The following KCNT2 variants were observed in gnomAD, a reference collection of about 807,000 sequenced individuals.
KCNT2 encodes potassium channel subfamily T member 2.
In KCNT2, 67 loss-of-function variants were observed where a neutral mutation model predicts 153.8. That is an observed-to-expected ratio of 0.44 (90% CI 0.36 to 0.53). The LOEUF (loss-of-function observed/expected upper bound fraction) is 0.53, where lower values mean the gene tolerates loss of function less well. Among genes scored for constraint, KCNT2 ranks in the 20% least tolerant of loss-of-function variants. The probability of loss-of-function intolerance (pLI) is 0.00; values close to 1 mark genes in which losing one functional copy is unlikely to be tolerated. For missense variants in KCNT2, 975 were observed against 1,354.8 expected (o/e 0.72, Z 4.40); for synonymous variants, 500 against 458.8 (o/e 1.09, Z -1.15).
At chr1:196,302,116 AG>A (rs1356154333) in intron 22 of KCNT2, among the ~76,000 whole-genome samples, 1 of 152,216 alleles carries the variant, frequency 6.6e-6, no homozygotes, top group African/African-American at 2.4e-5. Flanking sequence ...ACTTATAGAT[AG>A]ATGGAAACAA....
chr1:196,487,448 G>A lies in KCNT2; in HGVS notation c.275+2390C>T, dbSNP rs538465296. ...TGTGTGTGTGTGTATGTATGTGTCT[G>A]TGTCTGTGTGTGTATGTTTGTGTAT... On this transcript the variant is annotated intron_variant, in intron 3 of 27. Coordinates refer to ENST00000294725, the MANE Select transcript of KCNT2 (RefSeq NM_198503.5). Among the ~76,000 whole-genome samples the A allele has an allele frequency of 8.3e-4, 123 of 147,674 alleles. 2 individuals carry two copies. In the South Asian group the frequency reaches 0.025, roughly 31 times the overall value.
chr1:196,242,656 A>C (rs1384547244), intron 26 of KCNT2, among the ~76,000 whole-genome samples: 3 of 152,168 alleles, frequency 2.0e-5, no homozygotes, highest in Admixed American at 2.0e-4. Flanking sequence ...TAATGATAAC[A>C]GCATGATTAT....
intron 14 of KCNT2, among the ~76,000 whole-genome samples, chr1:196,355,722 C>A (rs941139309): frequency 6.6e-6 from 1 of 151,828 alleles, no homozygotes; most frequent in East Asian, 1.9e-4. Flanking sequence ...GACTTTTCAT[C>A]TACTTTTTAA....
rs529009301 is a variant in KCNT2, at chr1:196,395,249, C to T, written c.1294+3314G>A. ...TTCCAAAACTATCCTGAATGAGTTT[C>T]GTATCAAGGCTATGTTATTCCCGTT... On this transcript the variant is annotated intron_variant, in intron 13 of 27. Transcript: ENST00000294725. Among the ~76,000 whole-genome samples, 417 of 151,504 alleles carry T rather than the reference C, an allele frequency of 2.8e-3. 3 individuals carry two copies. Among genetic ancestry groups the T allele is most frequent in the African/African-American group, 9.3e-3 (386 of 41,426 alleles).
At chr1:196,528,386 A>G (rs1654525120) in intron 1 of KCNT2, among the ~76,000 whole-genome samples, 2 of 152,256 alleles carry the variant, frequency 1.3e-5, no homozygotes, top group Admixed American at 6.5e-5. Context: ...AGAAAATTCT[A>G]TGTTGCCATT....
chr1:196,245,391 A>G (rs1655346547), intron 26 of KCNT2, among the ~76,000 whole-genome samples: 1 of 152,180 alleles, frequency 6.6e-6, no homozygotes, highest in South Asian at 2.1e-4. Flanking sequence ...AAGCCTTTCA[A>G]GAAAGATGGG....
intron 8 of KCNT2, among the ~76,000 whole-genome samples, chr1:196,449,650 T>C (rs1675979916): frequency 6.6e-6 from 1 of 151,586 alleles, no homozygotes; most frequent in African/African-American, 2.4e-5. Flanking sequence ...AAAAAGGTTA[T>C]TTCATCATAT....
chr1:196,268,693 T>A (rs1313755089), intron 25 of KCNT2, among the ~76,000 whole-genome samples: 1 of 152,088 alleles, frequency 6.6e-6, no homozygotes, highest in East Asian at 1.9e-4. Flanking sequence ...GCAGGAAGTT[T>A]ATGCTCCTTA....
intron 8 of KCNT2, among the ~76,000 whole-genome samples, chr1:196,458,497 C>A (rs997742111): frequency 9.9e-5 from 15 of 151,804 alleles, no homozygotes; most frequent in Admixed American, 9.9e-4. Context: ...AAGTTGAATA[C>A]AAACTCTTAT....
At chr1:196,522,157 C>A (rs1441452340) in intron 1 of KCNT2, among the ~76,000 whole-genome samples, 1 of 152,102 alleles carries the variant, frequency 6.6e-6, no homozygotes, top group Non-Finnish European at 1.5e-5. Context: ...CCATTCCAAA[C>A]CTGCTTTCAT....
chr1:196,378,342 T>C (rs1043932039), intron 13 of KCNT2, among the ~76,000 whole-genome samples: 1 of 152,190 alleles, frequency 6.6e-6, no homozygotes, highest in Non-Finnish European at 1.5e-5. Flanking sequence ...AATTTATTAA[T>C]GTGCATATTG....
At position 196,228,244 on chromosome 1, in the gene KCNT2, G is replaced by A. The variant is rs188819863; in HGVS notation, c.3388C>T (p.Arg1130Trp). 2.0e-5 allele frequency: 32 copies of A among 1,606,374 alleles called. No individual in the cohort carries two copies. Among genetic ancestry groups the A allele is most frequent in the Admixed American group, 5.0e-5 (3 of 59,538 alleles). The part of the protein sequence containing the change: ...SICNVTGQDS[R>W]EETQL ...TTTTATCAAAGTTGAGTTTCCTCCC[G>A]AGAATCTTGACCAGTGACATTGCAG... The change falls in exon 28 of 28, where the codon CGG becomes TGG. Residue 1130 changes from arginine to tryptophan, a missense_variant. Arg to Trp is a moderately radical substitution (Grantham distance 101). Coordinates refer to ENST00000294725, the MANE Select transcript of KCNT2 (RefSeq NM_198503.5).
rs151020852 is a variant in KCNT2 at position 196,498,379 on chromosome 1, G to A, written c.96-6038C>T. ...TTACAGTAGACATAGATCACTATCA[G>A]AGGAAGGTTCTTCCTCTGTGTCTAC... On this transcript the variant is annotated intron_variant, in intron 1 of 27. Transcript: ENST00000294725. 5.4e-4 allele frequency among the ~76,000 whole-genome samples: 82 copies of A among 152,254 alleles called. 1 individual carries two copies. The highest frequency in any genetic ancestry group is 1.9e-3 in the African/African-American group (79 of 41,558).
intron 1 of KCNT2, among the ~76,000 whole-genome samples, chr1:196,541,801 G>A (rs1572770520): frequency 6.6e-6 from 1 of 151,964 alleles, no homozygotes; most frequent in African/African-American, 2.4e-5. Flanking sequence ...TAGGACATGA[G>A]ATATGCCATA....
chr1:196,462,440 G>T (rs769220862), intron 8 of KCNT2, among the ~76,000 whole-genome samples: 3 of 151,658 alleles, frequency 2.0e-5, no homozygotes, highest in Non-Finnish European at 4.4e-5. Flanking sequence ...AGTGGTGAAA[G>T]ATGTTTTCTT....
chr1:196,257,616 C>G, intron 26 of KCNT2: 1 of 933,604 alleles, frequency 1.1e-6, no homozygotes, highest in Non-Finnish European at 1.3e-6. Context: ...TTTATTTAAG[C>G]TGTGTCTATA....
At chr1:196,283,186 G>A (rs909815125) in intron 23 of KCNT2, among the ~76,000 whole-genome samples, 2 of 152,192 alleles carry the variant, frequency 1.3e-5, no homozygotes, top group Non-Finnish European at 2.9e-5. Context: ...GCTCATGCCT[G>A]TAATCCCAGC....
intron 13 of KCNT2, among the ~76,000 whole-genome samples, chr1:196,387,746 C>T (rs968673477): frequency 6.6e-6 from 1 of 151,710 alleles, no homozygotes; most frequent in Non-Finnish European, 1.5e-5. Context: ...ATTCTTCTAC[C>T]TATTTTTATT....
At chr1:196,594,262 G>C (rs1322900528) in intron 1 of KCNT2, among the ~76,000 whole-genome samples, 1 of 152,086 alleles carries the variant, frequency 6.6e-6, no homozygotes, top group Non-Finnish European at 1.5e-5. Flanking sequence ...CCACAGAAAA[G>C]CTCCTTGTGA....
Sources: allele counts gnomAD v4.1 joint callset (sites outside exome capture counted in the v4.1 genomes callset), GRCh38; gene constraint gnomAD v4.1.1; transcripts MANE v1.5; gene names NCBI Gene and HGNC (gene_info 2026-07-23, HGNC 2026-07-21).